The following CAMKMT variants were observed in gnomAD, a reference collection of about 807,000 sequenced individuals.
CAMKMT encodes the protein calmodulin-lysine N-methyltransferase, also known as CaM KMT.
A neutral mutation model predicts 48.0 loss-of-function variants in CAMKMT; 53 were observed. The observed-to-expected ratio is 1.10, with a 90% confidence interval of 0.89 to 1.39. CAMKMT has a LOEUF of 1.39. Among genes scored for constraint, CAMKMT ranks in the 40% most tolerant of loss-of-function variants. The pLI is 0.00. For missense variants in CAMKMT, 428 were observed against 402.7 expected, an observed-to-expected ratio of 1.06 and a Z score of -0.54; for synonymous variants, 165 against 152.3, an observed-to-expected ratio of 1.08 and a Z score of -0.61.
At chr2:44,708,545 A>G (rs1314805809) in intron 6 of CAMKMT, among the ~76,000 whole-genome samples, 9 of 152,114 alleles carry the variant, frequency 5.9e-5, no homozygotes, top group Admixed American at 5.2e-4. Context: ...AAAACAGCCA[A>G]TCACAATCTT....
chr2:44,591,584 G>A (rs138910526), intron 3 of CAMKMT, among the ~76,000 whole-genome samples: 2,058 of 152,228 alleles, frequency 0.014, 103 homozygotes, highest in Admixed American at 0.1. Flanking sequence ...AGAGGATGTG[G>A]AGAAATAGGA....
rs533389530 is a variant in CAMKMT, at chr2:44,483,349, A to T, written c.376+93044A>T. Among the ~76,000 whole-genome samples, 564 of 152,254 alleles carry T rather than the reference A, an allele frequency of 3.7e-3. 2 individuals are homozygous for T. Among genetic ancestry groups the T allele is most frequent in the African/African-American group, 0.013 (541 of 41,564 alleles). On this transcript the variant is annotated intron_variant, in intron 3 of 10. Transcript: ENST00000378494. ...TCAACCACAGTTATTAAACTTTACT[A>T]TTTTTGAGGTATAGGGATCCAACAG...
intron 2 of CAMKMT, among the ~76,000 whole-genome samples, chr2:44,377,988 A>G (rs1679864827): frequency 6.6e-6 from 1 of 152,216 alleles, no homozygotes; most frequent in Non-Finnish European, 1.5e-5. Flanking sequence ...GTGTAGTATA[A>G]CCTAGGTACG....
chr2:44,479,742 T>C (rs1024868990), intron 3 of CAMKMT, among the ~76,000 whole-genome samples: 2 of 152,206 alleles, frequency 1.3e-5, no homozygotes, highest in African/African-American at 4.8e-5. Context: ...TTCTTTGAAA[T>C]GTGATACATG....
At chr2:44,610,182 T>G (rs1278892130) in intron 3 of CAMKMT, among the ~76,000 whole-genome samples, 1 of 152,142 alleles carries the variant, frequency 6.6e-6, no homozygotes, top group Admixed American at 6.5e-5. Context: ...AACTGCATTG[T>G]GTAAGTCTCT....
At chr2:44,395,991 A>T (rs1285457865) in intron 3 of CAMKMT, among the ~76,000 whole-genome samples, 1 of 152,176 alleles carries the variant, frequency 6.6e-6, no homozygotes, top group Non-Finnish European at 1.5e-5. Context: ...GTGACTTAAC[A>T]TATGATGAAG....
chr2:44,598,119 CTAAA>C (rs1256201488), intron 3 of CAMKMT, among the ~76,000 whole-genome samples: 2 of 152,018 alleles, frequency 1.3e-5, no homozygotes, highest in Non-Finnish European at 2.9e-5. Context: ...GAATGAGCTA[CTAAA>C]TATCATTTCC....
At chr2:44,497,709 A>AGAGAGAGAG (rs1558657751) in intron 3 of CAMKMT, among the ~76,000 whole-genome samples, 223 of 138,990 alleles carry the variant, frequency 1.6e-3, no homozygotes, top group African/African-American at 5.7e-3. Flanking sequence ...TAAGCAGGCA[A>AGAGAGAGAG]AGAGAGAGAG....
At chr2:44,554,433 A>G (rs577668671) in intron 3 of CAMKMT, among the ~76,000 whole-genome samples, 1 of 152,282 alleles carries the variant, frequency 6.6e-6, no homozygotes, top group East Asian at 1.9e-4. Flanking sequence ...TTAGAACAGT[A>G]CTTGATACAC....
chr2:44,374,030 G>A (rs1679433187), intron 2 of CAMKMT, among the ~76,000 whole-genome samples: 1 of 149,512 alleles, frequency 6.7e-6, no homozygotes, highest in Non-Finnish European at 1.5e-5. Flanking sequence ...AGGCTGAGGT[G>A]GAAAGATTGA....
At chr2:44,638,041 C>T (rs1309936915) in intron 3 of CAMKMT, among the ~76,000 whole-genome samples, 6 of 130,270 alleles carry the variant, frequency 4.6e-5, no homozygotes, top group Non-Finnish European at 9.4e-5. Flanking sequence ...GGCGACCGAG[C>T]GAGACTCCAT....
chr2:44,502,624 C>T (rs556650806), intron 3 of CAMKMT, among the ~76,000 whole-genome samples: 2 of 152,146 alleles, frequency 1.3e-5, no homozygotes, highest in South Asian at 4.2e-4. Context: ...AGACATACCA[C>T]CTTGATTGTT....
chr2:44,370,524 T>A (rs956162055), intron 1 of CAMKMT, among the ~76,000 whole-genome samples: 2 of 152,156 alleles, frequency 1.3e-5, no homozygotes, highest in African/African-American at 4.8e-5. Flanking sequence ...TGTATCACAT[T>A]GATAGTTCTT....
At chr2:44,393,814 G>A (rs542352683) in intron 3 of CAMKMT, among the ~76,000 whole-genome samples, 74 of 152,246 alleles carry the variant, frequency 4.9e-4, no homozygotes, top group Admixed American at 8.5e-4. Flanking sequence ...CTGTGGGCAG[G>A]GACTCCTTTC....
chr2:44,630,507 G>A (rs1441043520), intron 3 of CAMKMT, among the ~76,000 whole-genome samples: 2 of 148,986 alleles, frequency 1.3e-5, no homozygotes, highest in Non-Finnish European at 3.0e-5. Flanking sequence ...TCTGACAAAG[G>A]GCTAATATCC....
intron 3 of CAMKMT, among the ~76,000 whole-genome samples, chr2:44,542,715 A>T (rs779284508): frequency 7.9e-5 from 12 of 152,194 alleles, no homozygotes; most frequent in Non-Finnish European, 1.5e-4. Flanking sequence ...TGGAAGAGGC[A>T]GAACCACTGT....
chr2:44,423,005 C>T (rs1684033246), intron 3 of CAMKMT, among the ~76,000 whole-genome samples: 1 of 152,108 alleles, frequency 6.6e-6, no homozygotes, highest in Non-Finnish European at 1.5e-5. Context: ...TTCTCATCTT[C>T]ACTCTGTATC....
Position 44,431,290 on chromosome 2 carries a change from C to T in CAMKMT, c.376+40985C>T, listed in dbSNP as rs75941474. Among the ~76,000 whole-genome samples the T allele has an allele frequency of 3.0e-3, 458 of 152,036 alleles. 2 individuals carry two copies. Among genetic ancestry groups the T allele is most frequent in the Middle Eastern group, 6.9e-3 (2 of 290 alleles). ...GGGTAAATTAACTTTGTATTAACTTCTGAGGAATAACTCAGAAACTTAGGA... is the reference window on the plus strand; with the variant it reads ...GGGTAAATTAACTTTGTATTAACTTTTGAGGAATAACTCAGAAACTTAGGA... On this transcript the variant is annotated intron_variant, in intron 3 of 10. Coordinates refer to ENST00000378494, the MANE Select transcript of CAMKMT (RefSeq NM_024766.5).
chr2:44,680,366 C>T (rs566397636), intron 3 of CAMKMT, among the ~76,000 whole-genome samples: 4 of 152,200 alleles, frequency 2.6e-5, no homozygotes, highest in East Asian at 1.9e-4. Flanking sequence ...GAGAGGACAG[C>T]GACAGACAGT....
Sources: gnomAD v4.1 joint callset for allele counts (sites outside exome capture counted in the v4.1 genomes callset) on GRCh38, gnomAD v4.1.1 for gene constraint, MANE v1.5 for transcripts, NCBI Gene and HGNC (gene_info 2026-07-23, HGNC 2026-07-21) for gene names.